DGKB: variants seen among roughly 807,000 people sequenced by gnomAD.
DGKB encodes the protein diacylglycerol kinase beta.
In DGKB, 67 loss-of-function variants were observed where a neutral mutation model predicts 114.3. That is an observed-to-expected ratio of 0.59 (90% CI 0.48 to 0.72). The LOEUF is 0.72. DGKB is among the 30% of genes least tolerant of loss of function. The pLI, the probability that DGKB is intolerant of heterozygous loss-of-function variation, is 0.00. For synonymous variants in DGKB, 398 were observed against 323.1 expected (o/e 1.23, Z -2.49); for missense variants, 907 against 975.2 (o/e 0.93, Z 0.93).
At chr7:14,522,549 T>A (rs1386822601) in intron 20 of DGKB, among the ~76,000 whole-genome samples, 3 of 152,186 alleles carry the variant, frequency 2.0e-5, no homozygotes, top group African/African-American at 7.2e-5. Context: ...AACGAGCCCT[T>A]TCGGCAGTGG....
rs546426787 is a variant in DGKB at position 14,192,002 on chromosome 7, G to T, written c.2123-13851C>A. 7.3e-6 allele frequency: 4 copies of T among 544,270 alleles called. No homozygotes were observed. The Admixed American group carries it at 9.3e-5, about 13-fold the overall frequency. The allele number at this position is 544,270 out of a possible 1,614,324, so 33.7% of individuals were successfully genotyped here. A position where few individuals can be genotyped will look rare whatever the true frequency, so the allele number is the denominator to read the frequency against. On this transcript the variant is annotated intron_variant, in intron 23 of 25. Coordinates refer to ENST00000402815, the MANE Select transcript of DGKB (RefSeq NM_001350709.2). ...GGTTCCTGGCAAGCTCCTGTGTTGA[G>T]AGCTTTTCTGACTATCCTCTGAGTC...
At chr7:14,837,316 T>C (rs138687482) in intron 2 of DGKB, among the ~76,000 whole-genome samples, 16 of 152,258 alleles carry the variant, frequency 1.1e-4, no homozygotes, top group African/African-American at 3.9e-4. Context: ...GGGTGCATTC[T>C]GGCAATTGTG....
At chr7:14,588,712 A>C (rs1476609884) in intron 17 of DGKB, among the ~76,000 whole-genome samples, 1 of 152,054 alleles carries the variant, frequency 6.6e-6, no homozygotes, top group African/African-American at 2.4e-5. Flanking sequence ...GATAAGTATT[A>C]TTTCCACATA....
At chr7:14,888,759 A>G (rs758681187) in intron 1 of DGKB, among the ~76,000 whole-genome samples, 7 of 151,720 alleles carry the variant, frequency 4.6e-5, no homozygotes, top group Non-Finnish European at 8.9e-5. Flanking sequence ...AGGGTAGAAC[A>G]TTGTTGTGAA....
chr7:14,947,216 A>C (rs1377153823), intron 1 of DGKB, among the ~76,000 whole-genome samples: 1 of 151,722 alleles, frequency 6.6e-6, no homozygotes, highest in Non-Finnish European at 1.5e-5. Flanking sequence ...TTAAACCTAA[A>C]AAGTATAAGG....
intron 20 of DGKB, among the ~76,000 whole-genome samples, chr7:14,512,839 C>A (rs949601802): frequency 6.6e-6 from 1 of 152,042 alleles, no homozygotes; most frequent in Non-Finnish European, 1.5e-5. Flanking sequence ...GTTTACACAC[C>A]AAAACCTGAA....
intron 23 of DGKB, among the ~76,000 whole-genome samples, chr7:14,214,332 T>A (rs1788614992): frequency 6.6e-6 from 1 of 152,180 alleles, no homozygotes; most frequent in Non-Finnish European, 1.5e-5. Context: ...CGCTCTTTCT[T>A]CTTTTGGGGA....
chr7:14,518,527 G>A (rs556986189), intron 20 of DGKB, among the ~76,000 whole-genome samples: 8 of 151,736 alleles, frequency 5.3e-5, no homozygotes, highest in African/African-American at 1.7e-4. Context: ...TAAGAGATAC[G>A]TGAACTTTAA....
chr7:14,279,988 T>C (rs562285371), intron 23 of DGKB, among the ~76,000 whole-genome samples: 11 of 152,152 alleles, frequency 7.2e-5, no homozygotes, highest in Middle Eastern at 3.4e-3. Context: ...TCCTCACCAG[T>C]AACGGAACAA....
intron 12 of DGKB, among the ~76,000 whole-genome samples, chr7:14,679,312 A>AT (rs1820432949): frequency 6.6e-6 from 1 of 151,978 alleles, no homozygotes; most frequent in East Asian, 1.9e-4. Context: ...TCTACAGAGA[A>AT]TTTTTTGCCC....
chr7:14,902,049 A>C (rs892305121), intron 1 of DGKB, among the ~76,000 whole-genome samples: 1 of 152,162 alleles, frequency 6.6e-6, no homozygotes, highest in Non-Finnish European at 1.5e-5. Flanking sequence ...AATGTTTATC[A>C]TATCATCAGT....
At chr7:14,728,596 G>A (rs1464792272) in intron 5 of DGKB, among the ~76,000 whole-genome samples, 1 of 152,100 alleles carries the variant, frequency 6.6e-6, no homozygotes, top group African/African-American at 2.4e-5. Context: ...CATCTGCTCT[G>A]GGATGAACAG....
intron 23 of DGKB, among the ~76,000 whole-genome samples, chr7:14,271,107 C>T (rs1407446930): frequency 2.0e-5 from 3 of 152,210 alleles, no homozygotes; most frequent in African/African-American, 4.8e-5. Flanking sequence ...TAACAGAAAT[C>T]GTTTACAGGG....
intron 23 of DGKB, among the ~76,000 whole-genome samples, chr7:14,310,617 C>T (rs1386150030): frequency 6.6e-6 from 1 of 152,144 alleles, no homozygotes; most frequent in African/African-American, 2.4e-5. Flanking sequence ...CTATCTTTTG[C>T]CCAGTTTCTA....
chr7:14,179,540 A>G (rs547251427), intron 23 of DGKB, among the ~76,000 whole-genome samples: 1 of 152,314 alleles, frequency 6.6e-6, no homozygotes, highest in African/African-American at 2.4e-5. Flanking sequence ...TAGGGAATCC[A>G]CTTTGTACAG....
At chr7:14,264,004 G>T (rs997190397) in intron 23 of DGKB, among the ~76,000 whole-genome samples, 2 of 152,082 alleles carry the variant, frequency 1.3e-5, no homozygotes, top group Admixed American at 1.3e-4. Flanking sequence ...AATAGGGAGA[G>T]CCTCTGTGGT....
At chr7:14,741,969 G>GT (rs1364406972) in intron 4 of DGKB, among the ~76,000 whole-genome samples, 21 of 152,228 alleles carry the variant, frequency 1.4e-4, no homozygotes, top group Middle Eastern at 6.8e-3. Flanking sequence ...TCTGAGAAAG[G>GT]TTTTTTCCCC....
At chr7:14,722,027 C>G (rs1829255730) in intron 5 of DGKB, among the ~76,000 whole-genome samples, 2 of 152,292 alleles carry the variant, frequency 1.3e-5, no homozygotes, top group East Asian at 3.9e-4. Flanking sequence ...TTATTACCCA[C>G]TACACATGCA....
chr7:14,497,529 G>A (rs1785482972), intron 20 of DGKB, among the ~76,000 whole-genome samples: 1 of 151,600 alleles, frequency 6.6e-6, no homozygotes, highest in Non-Finnish European at 1.5e-5. Context: ...TCTCCTAATG[G>A]TATTAAACAA....
Sources: allele counts gnomAD v4.1 joint callset (sites outside exome capture counted in the v4.1 genomes callset), GRCh38; gene constraint gnomAD v4.1.1; transcripts MANE v1.5; gene names NCBI Gene and HGNC (gene_info 2026-07-23, HGNC 2026-07-21).